SCUBE3: variants seen among roughly 807,000 people sequenced by gnomAD.
The protein encoded by SCUBE3 is signal peptide, CUB domain and EGF like domain containing 3.
SCUBE3 carries 33 observed loss-of-function variants against 116.8 expected under a neutral mutation model. The ratio of observed to expected loss-of-function variants is 0.28; its 90% CI spans 0.21 to 0.38. The LOEUF is 0.38. Among genes scored for constraint, SCUBE3 ranks in the 10% least tolerant of loss-of-function variants. The pLI, the probability that SCUBE3 is intolerant of heterozygous loss-of-function variation, is 1.00. For missense variants in SCUBE3, 1,007 were observed against 1,324.8 expected, an observed-to-expected ratio of 0.76 and a Z score of 3.72; for synonymous variants, 418 against 496.9, an observed-to-expected ratio of 0.84 and a Z score of 2.11.
chr6:35,248,556 G>A lies in SCUBE3; in HGVS notation c.2833G>A (p.Asp945Asn), dbSNP rs766541548. 6.2e-7 allele frequency: 1 copy of A among 1,613,898 alleles called. No individual in the cohort carries two copies. The highest frequency in any genetic ancestry group is 8.5e-7 in the Non-Finnish European group (1 of 1,179,864). ...CATTGCTCCCTGCCATCCTTTGCAG[G>A]ACAAGAAGCTCATCAAGGCCTTCTT... Reference protein sequence around the residue: ...ASENHQEILKDKKLIKAFFEV... With the variant: ...ASENHQEILKNKKLIKAFFEV... The change falls in exon 22 of 22, where the codon GAC becomes AAC. Residue 945 changes from aspartate (D) to asparagine (N), a missense_variant and splice_region_variant. Coordinates refer to ENST00000274938, the MANE Select transcript of SCUBE3 (RefSeq NM_152753.4).
intron 21 of SCUBE3, 112 bp downstream of exon 21, chr6:35,246,397 C>A: frequency 1.3e-6 from 1 of 787,818 alleles, no homozygotes; most frequent in East Asian, 2.6e-5. Context: ...CACAATAGCT[C>A]TATGAGGTAG....
In SCUBE3 at chr6:35,234,469, C is replaced by T. The variant is rs575557769; in HGVS notation, c.712+1168C>T. 1.6e-4 allele frequency among the ~76,000 whole-genome samples: 24 copies of T among 152,316 alleles called. No homozygotes were observed. The South Asian group carries it at 5.0e-3, about 32-fold the overall frequency. On this transcript the variant is annotated intron_variant, in intron 6 of 21. Coordinates refer to ENST00000274938, the MANE Select transcript of SCUBE3 (RefSeq NM_152753.4). The stretch of plus-strand genomic sequence containing the variant: ...CAGGCACTTGCTCCAGAGACTGGCA[C>T]ATCCATTTCTAAAGTCCCTATATAA...
chr6:35,242,578 CT>C, intron 13 of SCUBE3, 43 bp from the exon 14 acceptor site: 1 of 1,576,902 alleles, frequency 6.3e-7, no homozygotes, highest in Non-Finnish European at 8.7e-7. Context: ...GGAGTGAGAA[CT>C]TTCCAGGGGA....
Position 35,249,959 on chromosome 6 carries a change from C to T in SCUBE3, c.*1254C>T, listed in dbSNP as rs1784495730. On this transcript the variant is annotated 3_prime_UTR_variant, in exon 22 of 22. Coordinates refer to ENST00000274938, the MANE Select transcript of SCUBE3 (RefSeq NM_152753.4). The stretch of plus-strand genomic sequence containing the variant: ...TTGTTTTTTGTTTTTGTTTCTTCTT[C>T]CTCTATTAGCAAAACCCTATTTATA... 1 of 152,554 alleles carries T rather than the reference C, an allele frequency of 6.6e-6. No individual in the cohort carries two copies. Among genetic ancestry groups the T allele is most frequent in the Non-Finnish European group, 1.5e-5 (1 of 68,058 alleles). 9.5% of individuals were successfully genotyped at this position (152,554 alleles called of 1,614,324 possible).
At chr6:35,223,353 G>T (rs868310118) in intron 1 of SCUBE3, 35 of 152,224 alleles carry the variant, frequency 2.3e-4, no homozygotes, top group African/African-American at 6.8e-4. Flanking sequence ...GAGGGAACAG[G>T]TAAGTTCAGA....
At chr6:35,238,330 G>C (rs1332522400) in intron 7 of SCUBE3, among the ~76,000 whole-genome samples, 1 of 152,096 alleles carries the variant, frequency 6.6e-6, no homozygotes, top group African/African-American at 2.4e-5. Flanking sequence ...GGTCTGGAAG[G>C]ATATTTGAGC....
Position 35,233,777 on chromosome 6 carries a change from C to A in SCUBE3, c.712+476C>A, listed in dbSNP as rs1172803731. On this transcript the variant is annotated intron_variant, in intron 6 of 21. Coordinates refer to ENST00000274938, the MANE Select transcript of SCUBE3 (RefSeq NM_152753.4). This position sits in a 1 kb window ranked among gnomAD's most constrained non-coding sequence, Gnocchi z 5.7. ...AGTGCTCCTTCCTGGAACAACCATCCCTGAACTGACTGACAGATGGGGTTT... is the reference window on the plus strand; with the variant it reads ...AGTGCTCCTTCCTGGAACAACCATCACTGAACTGACTGACAGATGGGGTTT... Among the ~76,000 whole-genome samples, 1 of 152,160 alleles carries A rather than the reference C, an allele frequency of 6.6e-6. No individual in the cohort carries two copies. The highest frequency in any genetic ancestry group is 1.5e-5 in the Non-Finnish European group (1 of 68,028).
In SCUBE3 at chr6:35,243,448, C is replaced by A; in HGVS notation, c.1910-146C>A. The A allele has an allele frequency of 1.1e-6, 1 of 895,136 alleles. No individual in the cohort carries two copies. Among genetic ancestry groups the A allele is most frequent in the Non-Finnish European group, 1.7e-6 (1 of 588,928 alleles). 55.4% of individuals were successfully genotyped at this position (895,136 alleles called of 1,614,324 possible). A position where few individuals can be genotyped will look rare whatever the true frequency, so the allele number is the denominator to read the frequency against. On this transcript the variant is annotated intron_variant, in intron 15 of 21. Transcript: ENST00000274938. The surrounding 1 kb of genome is among the most constrained non-coding windows in gnomAD (Gnocchi z 6.6). ...CCTCCTGCACACGGTTTTGACCCTCCTATCCCCCCAAGTAGGATTGTGTTT... is the reference window on the plus strand; with the variant it reads ...CCTCCTGCACACGGTTTTGACCCTCATATCCCCCCAAGTAGGATTGTGTTT...
intron 1 of SCUBE3, among the ~76,000 whole-genome samples, chr6:35,216,421 CCTT>C (rs1383790071): frequency 1.3e-5 from 2 of 152,336 alleles, no homozygotes; most frequent in South Asian, 2.1e-4. Flanking sequence ...TTGGTATCCT[CCTT>C]CTTTTCTTCT....
chr6:35,243,794 G>A lies in SCUBE3; in HGVS notation c.2071+39G>A, dbSNP rs1234068350. The A allele has an allele frequency of 6.3e-7, 1 of 1,599,874 alleles. No homozygotes were observed. Among genetic ancestry groups the A allele is most frequent in the East Asian group, 2.2e-5 (1 of 44,572 alleles). On this transcript the variant is annotated intron_variant, in intron 16 of 21. Transcript: ENST00000274938. This position sits in a 1 kb window ranked among gnomAD's most constrained non-coding sequence, Gnocchi z 6.6. ...AAACAATACAGAGTGGGGTAGGGTG[G>A]GCACTGGGATGCCCATGGGCATGGG...
At chr6:35,247,108 G>A (rs1217970550) in intron 21 of SCUBE3, among the ~76,000 whole-genome samples, 1 of 152,108 alleles carries the variant, frequency 6.6e-6, no homozygotes, top group Non-Finnish European at 1.5e-5. Flanking sequence ...GCCCTGGGTC[G>A]GTGAATCCCA....
At chr6:35,238,851 T>C (rs61250266) in intron 7 of SCUBE3, among the ~76,000 whole-genome samples, 2,275 of 152,272 alleles carry the variant, frequency 0.015, 47 homozygotes, top group African/African-American at 0.049. Flanking sequence ...CGAGGAGGAC[T>C]GGGCTCGTTC....
Position 35,214,036 on chromosome 6 carries a change from G to T in SCUBE3, c.-383G>T, listed in dbSNP as rs931048369. On this transcript the variant is annotated 5_prime_UTR_variant, in exon 1 of 22. Coordinates refer to ENST00000274938, the MANE Select transcript of SCUBE3 (RefSeq NM_152753.4). The surrounding 1 kb of genome is among the most constrained non-coding windows in gnomAD (Gnocchi z 6.3). ...CTCCCCTTTCTCAGGTCCTTCGCTC[G>T]GGCTCTGCGCGCTCTCCGGCTGCAG... Among the ~76,000 whole-genome samples, 2 of 152,162 alleles carry T rather than the reference G, an allele frequency of 1.3e-5. No individual in the cohort carries two copies. Among genetic ancestry groups the T allele is most frequent in the African/African-American group, 4.8e-5 (2 of 41,452 alleles).
In SCUBE3 at chr6:35,243,255, G is replaced by T. The variant is rs199883586; in HGVS notation, c.1909+19G>T. ...AAGTGTGGTAAGGGAGCTTACTGGG[G>T]AGCAGGGATGTAGGAAAGACCCAGT... On this transcript the variant is annotated intron_variant, in intron 15 of 21. Transcript: ENST00000274938. This position sits in a 1 kb window ranked among gnomAD's most constrained non-coding sequence, Gnocchi z 6.6. 6.2e-7 allele frequency: 1 copy of T among 1,603,132 alleles called. No homozygotes were observed. The highest frequency in any genetic ancestry group is 1.3e-5 in the African/African-American group (1 of 74,760).
rs1183667676 is a variant in SCUBE3, at chr6:35,252,970, CAT to C, written c.*4267_*4268del. The stretch of plus-strand genomic sequence containing the variant: ...ACAATAAACAGCAAATGATGCAGTT[CAT>C]AGAGTATTTTGCACTTGGGGAAAAA... On this transcript the variant is annotated 3_prime_UTR_variant, in exon 22 of 22. Coordinates refer to ENST00000274938, the MANE Select transcript of SCUBE3 (RefSeq NM_152753.4). The C allele has an allele frequency of 1.3e-5, 2 of 152,190 alleles. No individual in the cohort carries two copies. Among genetic ancestry groups the C allele is most frequent in the African/African-American group, 2.4e-5 (1 of 41,432 alleles). The allele number at this position is 152,190 out of a possible 1,614,324, so 9.4% of individuals were successfully genotyped here.
chr6:35,227,483 TAGAGA>T (rs1217201647), intron 1 of SCUBE3, 92 bp from the exon 2 acceptor site: 1 of 1,342,204 alleles, frequency 7.5e-7, no homozygotes, highest in African/African-American at 1.4e-5. Context: ...GCCTCTGTTT[TAGAGA>T]AGAGGGGATT....
In SCUBE3 at chr6:35,251,543, C is replaced by G. The variant is rs1236247569; in HGVS notation, c.*2838C>G. 6.6e-6 allele frequency: 1 copy of G among 152,336 alleles called. No homozygotes were observed. The highest frequency in any genetic ancestry group is 1.5e-5 in the Non-Finnish European group (1 of 68,076). 9.4% of individuals were successfully genotyped at this position (152,336 alleles called of 1,614,324 possible). A position where few individuals can be genotyped will look rare whatever the true frequency, so the allele number is the denominator to read the frequency against. ...GCTTCTTAATTTATGCCTTCAGGGTCTGGCTTCTCCTTTCTCCCTTCCTTT... is the reference window on the plus strand; with the variant it reads ...GCTTCTTAATTTATGCCTTCAGGGTGTGGCTTCTCCTTTCTCCCTTCCTTT... On this transcript the variant is annotated 3_prime_UTR_variant, in exon 22 of 22. Coordinates refer to ENST00000274938, the MANE Select transcript of SCUBE3 (RefSeq NM_152753.4).
Position 35,242,264 on chromosome 6 carries a change from G to A in SCUBE3, c.1478G>A (p.Arg493His), listed in dbSNP as rs375266695. The A allele has an allele frequency of 9.9e-5, 160 of 1,613,930 alleles. No homozygotes were observed. Among genetic ancestry groups the A allele is most frequent in the Admixed American group, 2.5e-4 (15 of 59,998 alleles). Residue 493 changes from arginine (R) to histidine (H), a missense_variant, in exon 13 of 22, where the codon CGT becomes CAT. Physicochemically the swap from Arg to His is conservative, Grantham distance 29. Around this residue, in one of 5 missense-constraint regions of SCUBE3, gnomAD observed 544 missense variants for 638.9 expected, o/e 0.85. Transcript: ENST00000274938. ...TTCAAGATCAAGGATGCCAAATGCC[G>A]TTTGCACCTGCGAAACAAAGGCAAA... ...ASFKIKDAKC[R>H]LHLRNKGKTE... is the part of the protein sequence containing the mutation.
intron 1 of SCUBE3, among the ~76,000 whole-genome samples, chr6:35,218,398 G>A (rs1199860853): frequency 6.6e-6 from 1 of 152,204 alleles, no homozygotes; most frequent in Non-Finnish European, 1.5e-5. Context: ...GGAACGAAGG[G>A]CTTCAGACCT....
Sources: gnomAD v4.1 joint callset for allele counts (sites outside exome capture counted in the v4.1 genomes callset) on GRCh38, gnomAD v4.1.1 for gene constraint, gnomAD v4.1.1 regional missense constraint, Gnocchi (gnomAD v3.1) non-coding constraint, MANE v1.5 for transcripts, NCBI Gene and HGNC (gene_info 2026-07-23, HGNC 2026-07-21) for gene names.